The following INPP4B variants were observed in gnomAD, a reference collection of about 807,000 sequenced individuals.
INPP4B encodes inositol polyphosphate 4-phosphatase type II.
A neutral mutation model predicts 122.5 loss-of-function variants in INPP4B; 55 were observed. The ratio of observed to expected loss-of-function variants is 0.45; its 90% CI spans 0.36 to 0.56. The LOEUF is 0.56. Ranked by LOEUF, INPP4B falls within the 20% of genes least tolerant of loss-of-function variation. The pLI is 0.00. For synonymous variants in INPP4B, 403 were observed against 388.7 expected, an observed-to-expected ratio of 1.04 and a Z score of -0.43; for missense variants, 1,000 against 1,097.7, an observed-to-expected ratio of 0.91 and a Z score of 1.26.
chr4:142,091,619 ACC>A (rs1319104933), intron 23 of INPP4B, among the ~76,000 whole-genome samples: 2 of 152,154 alleles, frequency 1.3e-5, no homozygotes, highest in African/African-American at 4.8e-5. Flanking sequence ...ACATTCACAA[ACC>A]CCATGACTAT....
chr4:142,717,739 G>C (rs562105765), intron 2 of INPP4B, among the ~76,000 whole-genome samples: 1 of 151,786 alleles, frequency 6.6e-6, no homozygotes, highest in Admixed American at 6.6e-5. Flanking sequence ...GGGGCCTGTC[G>C]TGGGGTGGGG....
At chr4:142,641,604 CT>C (rs1750489393) in intron 2 of INPP4B, among the ~76,000 whole-genome samples, 1 of 152,028 alleles carries the variant, frequency 6.6e-6, no homozygotes, top group Non-Finnish European at 1.5e-5. Context: ...TGAACTCATC[CT>C]TTTTTATGGC....
intron 7 of INPP4B, among the ~76,000 whole-genome samples, chr4:142,358,361 T>C (rs1784301271): frequency 6.6e-6 from 1 of 151,856 alleles, no homozygotes; most frequent in Admixed American, 6.6e-5. Flanking sequence ...GAGAAAAGTT[T>C]ACTAATAGAC....
chr4:142,779,269 T>C (rs553987674), intron 1 of INPP4B, among the ~76,000 whole-genome samples: 7 of 152,222 alleles, frequency 4.6e-5, no homozygotes, highest in Admixed American at 2.6e-4. Flanking sequence ...TTTTGTGTGT[T>C]GAATGATATT....
rs537800672 is a variant in INPP4B, at chr4:142,067,999, C to T, written c.2642+14032G>A. Reference sequence around the variant, plus strand: ...CAGAGAATGCCACAAAGATACTCCTCGAGAAGAGCAACTCCAAGACACATA... The same window carrying T: ...CAGAGAATGCCACAAAGATACTCCTTGAGAAGAGCAACTCCAAGACACATA... On this transcript the variant is annotated intron_variant, in intron 25 of 25. Transcript: ENST00000262992. Among the ~76,000 whole-genome samples, 359 of 152,060 alleles carry T rather than the reference C, an allele frequency of 2.4e-3. 3 individuals carry two copies. Among genetic ancestry groups the T allele is most frequent in the Middle Eastern group, 0.01 (3 of 294 alleles).
chr4:142,171,178 GC>G (rs151042508), intron 16 of INPP4B, among the ~76,000 whole-genome samples: 4,342 of 151,732 alleles, frequency 0.029, 191 homozygotes, highest in African/African-American at 0.099. Flanking sequence ...CTTCTTCACT[GC>G]CCTGGGCTGC....
chr4:142,354,156 A>G (rs1782827049), intron 7 of INPP4B, among the ~76,000 whole-genome samples: 1 of 152,014 alleles, frequency 6.6e-6, no homozygotes, highest in Non-Finnish European at 1.5e-5. Flanking sequence ...AGACAAATCT[A>G]AATAGCAAAG....
intron 8 of INPP4B, chr4:142,305,979 G>A: frequency 1.1e-6 from 1 of 942,750 alleles, no homozygotes; most frequent in Non-Finnish European, 1.3e-6. Flanking sequence ...TTTTTATGTG[G>A]GACTTTGTAC....
chr4:142,127,097 G>C (rs999575343), intron 18 of INPP4B, among the ~76,000 whole-genome samples: 2 of 152,112 alleles, frequency 1.3e-5, no homozygotes, highest in African/African-American at 2.4e-5. Context: ...TGCTTAATCA[G>C]GCTGAAGCAG....
chr4:142,796,787 G>A lies in INPP4B; in HGVS notation c.-254+49422C>T, dbSNP rs150343800. ...TTCTGTTCATTCACCCTAGAACATC[G>A]GTTGACATTTACAAGACCTATCCAC... is the stretch of plus-strand genomic sequence containing the variant. On this transcript the variant is annotated intron_variant, in intron 1 of 25. Transcript: ENST00000262992. Among the ~76,000 whole-genome samples, 1,180 of 151,492 alleles carry A rather than the reference G, an allele frequency of 7.8e-3. 8 individuals are homozygous for A. Among genetic ancestry groups the A allele is most frequent in the Non-Finnish European group, 0.012 (802 of 67,868 alleles).
intron 25 of INPP4B, among the ~76,000 whole-genome samples, chr4:142,059,312 C>A (rs922755896): frequency 6.6e-6 from 1 of 152,094 alleles, no homozygotes; most frequent in African/African-American, 2.4e-5. Context: ...CTCCCTGTAG[C>A]CCCTGACAGT....
At chr4:142,195,149 A>G (rs1357443202) in intron 14 of INPP4B, among the ~76,000 whole-genome samples, 1 of 152,224 alleles carries the variant, frequency 6.6e-6, no homozygotes, top group African/African-American at 2.4e-5. Flanking sequence ...CTGCAACAAA[A>G]CGAATGAGCC....
At chr4:142,423,972 G>A (rs1807499699) in intron 5 of INPP4B, among the ~76,000 whole-genome samples, 1 of 152,010 alleles carries the variant, frequency 6.6e-6, no homozygotes, top group Admixed American at 6.6e-5. Context: ...TATGTAGCTT[G>A]TATAATAAAT....
chr4:142,178,464 ATAATT>A (rs1829327461), intron 15 of INPP4B, among the ~76,000 whole-genome samples: 1 of 152,174 alleles, frequency 6.6e-6, no homozygotes, highest in Non-Finnish European at 1.5e-5. Context: ...GAAGAGAAAT[ATAATT>A]TATTTTCCTT....
intron 14 of INPP4B, among the ~76,000 whole-genome samples, chr4:142,198,342 T>A (rs1169603511): frequency 6.6e-6 from 1 of 152,056 alleles, no homozygotes; most frequent in Non-Finnish European, 1.5e-5. Flanking sequence ...TCAGTATGAT[T>A]TACTACAGCA....
At chr4:142,659,755 G>A (rs1754818800) in intron 2 of INPP4B, among the ~76,000 whole-genome samples, 1 of 152,116 alleles carries the variant, frequency 6.6e-6, no homozygotes, top group African/African-American at 2.4e-5. Context: ...ATCTTAGCAA[G>A]CATAACTATA....
intron 2 of INPP4B, among the ~76,000 whole-genome samples, chr4:142,722,118 C>T (rs1764767723): frequency 6.6e-6 from 1 of 152,000 alleles, no homozygotes; most frequent in African/African-American, 2.4e-5. Context: ...TATACACACA[C>T]ACATATACAT....
chr4:142,257,758 G>A (rs930831963), intron 11 of INPP4B, among the ~76,000 whole-genome samples: 9 of 152,088 alleles, frequency 5.9e-5, no homozygotes, highest in Non-Finnish European at 1.0e-4. Flanking sequence ...AATCAATATC[G>A]TGAAAATGGC....
rs1802980213 is a variant in INPP4B at position 142,405,145 on chromosome 4, G to C, written c.255+61C>G. The C allele has an allele frequency of 4.1e-6, 4 of 967,526 alleles. No homozygotes were observed. The East Asian group carries it at 1.0e-4, about 24-fold the overall frequency. 59.9% of individuals were successfully genotyped at this position (967,526 alleles called of 1,614,324 possible). A position where few individuals can be genotyped will look rare whatever the true frequency, so the allele number is the denominator to read the frequency against. ...GGGGGGAGGGAGAGAGAGAGCAAGA[G>C]CGAGCGAGCCAGCAAGAGAGAGAGA... On this transcript the variant is annotated intron_variant, in intron 6 of 25. Transcript: ENST00000262992.
Sources: allele counts gnomAD v4.1 joint callset (sites outside exome capture counted in the v4.1 genomes callset), GRCh38; gene constraint gnomAD v4.1.1; transcripts MANE v1.5; gene names NCBI Gene and HGNC (gene_info 2026-07-23, HGNC 2026-07-21).